ZW10: variants seen among roughly 807,000 people sequenced by gnomAD.
The protein encoded by ZW10 is centromere/kinetochore protein zw10 homolog.
Under a neutral mutation model 87.8 loss-of-function variants are expected in ZW10, and 53 were observed. The ratio of observed to expected loss-of-function variants is 0.60; its 90% CI spans 0.48 to 0.76. ZW10 has a LOEUF of 0.76. ZW10 is among the 30% of genes least tolerant of loss of function. The pLI is 0.00. For synonymous variants in ZW10, 312 were observed against 329.2 expected, an observed-to-expected ratio of 0.95 and a Z score of 0.57; for missense variants, 837 against 923.0, an observed-to-expected ratio of 0.91 and a Z score of 1.21.
At chr11:113,737,164 C>T (rs1468184466) in intron 14 of ZW10, among the ~76,000 whole-genome samples, 5 of 152,250 alleles carry the variant, frequency 3.3e-5, no homozygotes, top group Non-Finnish European at 7.4e-5. Flanking sequence ...CTGGCCAAGT[C>T]CAGACAATTT....
Position 113,773,561 on chromosome 11 carries a change from C to A in ZW10, c.105+1G>T. ...TCAGCAGACAGCTGCCCCGCTCTCA[C>A]CTTGATCTCCTCCACCCGCCGGGTC... On this transcript the variant is annotated splice_donor_variant, in intron 1 of 15. Transcript: ENST00000200135. LOFTEE classifies it high-confidence loss of function. 6.2e-7 allele frequency: 1 copy of A among 1,612,688 alleles called. No individual in the cohort carries two copies. Among genetic ancestry groups the A allele is most frequent in the East Asian group, 2.2e-5 (1 of 44,872 alleles).
chr11:113,743,416 G>C (rs930683735), intron 10 of ZW10, among the ~76,000 whole-genome samples: 1 of 152,156 alleles, frequency 6.6e-6, no homozygotes, highest in South Asian at 2.1e-4. Context: ...TTCCAGGTAG[G>C]ATTCTAAGTT....
At chr11:113,766,011 C>G (rs747052201) in intron 2 of ZW10, among the ~76,000 whole-genome samples, 9 of 152,222 alleles carry the variant, frequency 5.9e-5, no homozygotes, top group Non-Finnish European at 8.8e-5. Flanking sequence ...TGCTGATACT[C>G]TGGCTACTGC....
chr11:113,765,905 C>T (rs1194216021), intron 2 of ZW10, among the ~76,000 whole-genome samples: 2 of 152,148 alleles, frequency 1.3e-5, no homozygotes, highest in African/African-American at 2.4e-5. Context: ...TAAAAAGAGT[C>T]GGGTTCCTTA....
In ZW10 at chr11:113,768,918, C is replaced by T. The variant is rs1262452008; in HGVS notation, c.155G>A (p.Ser52Asn). 1 of 1,614,026 alleles carries T rather than the reference C, an allele frequency of 6.2e-7. No homozygotes were observed. The highest frequency in any genetic ancestry group is 8.5e-7 in the Non-Finnish European group (1 of 1,180,008). Residue 52 changes from serine to asparagine, a missense_variant, in exon 2 of 16, where the codon AGC becomes AAC. Ser to Asn is a conservative substitution (Grantham distance 46). Coordinates refer to ENST00000200135, the MANE Select transcript of ZW10 (RefSeq NM_004724.4). ...AATCAGGCCCTGCGCGCTCTGCATG[C>T]TAGGCAGGAATTCACTGTACTTCTT... ...ISKKYSEFLP[S>N]MQSAQGLITQ... is the part of the protein sequence containing the mutation.
At chr11:113,764,583 T>G (rs995780696) in intron 2 of ZW10, among the ~76,000 whole-genome samples, 1 of 152,176 alleles carries the variant, frequency 6.6e-6, no homozygotes, top group African/African-American at 2.4e-5. Context: ...TAAGCTTTTT[T>G]CTATTTTTAA....
chr11:113,742,201 C>G (rs1953627118), intron 10 of ZW10, among the ~76,000 whole-genome samples: 1 of 152,194 alleles, frequency 6.6e-6, no homozygotes, highest in South Asian at 2.1e-4. Flanking sequence ...TTCACCTTTT[C>G]TCCTTCTTAC....
At chr11:113,762,213 T>A (rs1953867766) in intron 2 of ZW10, among the ~76,000 whole-genome samples, 1 of 152,242 alleles carries the variant, frequency 6.6e-6, no homozygotes, top group Non-Finnish European at 1.5e-5. Context: ...AGCATGTTAC[T>A]GTACCATTTA....
intron 1 of ZW10, among the ~76,000 whole-genome samples, chr11:113,772,218 T>C (rs1463691937): frequency 1.3e-5 from 2 of 152,140 alleles, no homozygotes; most frequent in Admixed American, 6.5e-5. Flanking sequence ...TAAAGGAAAC[T>C]AGTGAAAGCA....
intron 2 of ZW10, among the ~76,000 whole-genome samples, chr11:113,761,141 CATA>C (rs986590492): frequency 2.0e-5 from 3 of 152,182 alleles, no homozygotes; most frequent in African/African-American, 7.2e-5. Flanking sequence ...TTCCTCTCAA[CATA>C]ATATCCTCAT....
chr11:113,759,671 A>G (rs1371675247), intron 5 of ZW10, among the ~76,000 whole-genome samples: 1 of 152,138 alleles, frequency 6.6e-6, no homozygotes, highest in Non-Finnish European at 1.5e-5. Context: ...GGGCAGAAGT[A>G]ATCCTATTTC....
At chr11:113,753,938 C>G (rs1020933168) in intron 7 of ZW10, among the ~76,000 whole-genome samples, 7 of 152,180 alleles carry the variant, frequency 4.6e-5, no homozygotes, top group Admixed American at 2.6e-4. Flanking sequence ...CAGCAAGTGC[C>G]AATGGAAAAG....
intron 3 of ZW10, 108 bp downstream of exon 3, chr11:113,760,709 G>GAA: frequency 2.2e-6 from 2 of 897,770 alleles, no homozygotes; most frequent in Non-Finnish European, 3.1e-6. Flanking sequence ...AAAAAAGAAA[G>GAA]AAAAAAAAAT....
At chr11:113,737,550 T>C (rs777711522) in intron 14 of ZW10, 22 bp downstream of exon 14, 133 of 1,566,562 alleles carry the variant, frequency 8.5e-5, no homozygotes, top group Non-Finnish European at 1.1e-4. Context: ...TCAAGGCTAG[T>C]GTAGCATCTA....
chr11:113,733,326 C>T lies in ZW10; in HGVS notation c.*368G>A, dbSNP rs546557905. On this transcript the variant is annotated 3_prime_UTR_variant, in exon 16 of 16. Transcript: ENST00000200135. ...CTCCGATTTGCTCAGAAATTCTCTA[C>T]CCTGACTCCTGGAATCTCCCAATTC... is the stretch of plus-strand genomic sequence containing the variant. 2.2e-4 allele frequency: 39 copies of T among 175,386 alleles called. No homozygotes were observed. The highest frequency in any genetic ancestry group is 8.3e-4 in the African/African-American group (35 of 42,142). 10.9% of individuals were successfully genotyped at this position (175,386 alleles called of 1,614,324 possible).
At chr11:113,773,044 G>T (rs1937656875) in intron 1 of ZW10, among the ~76,000 whole-genome samples, 2 of 150,678 alleles carry the variant, frequency 1.3e-5, no homozygotes, top group Non-Finnish European at 3.0e-5. Context: ...TTTTAATGTC[G>T]GGGAGGAGAA....
At chr11:113,772,137 C>T (rs1953973746) in intron 1 of ZW10, among the ~76,000 whole-genome samples, 1 of 151,682 alleles carries the variant, frequency 6.6e-6, no homozygotes, top group South Asian at 2.1e-4. Context: ...GCAACATAAG[C>T]AAAATATGGG....
chr11:113,766,226 A>G (rs1287001048), intron 2 of ZW10, among the ~76,000 whole-genome samples: 2 of 152,018 alleles, frequency 1.3e-5, no homozygotes, highest in African/African-American at 4.8e-5. Flanking sequence ...TTAGCTGGGC[A>G]TGATGGCTTA....
intron 9 of ZW10, among the ~76,000 whole-genome samples, chr11:113,744,335 G>A (rs1264836772): frequency 1.3e-5 from 2 of 152,088 alleles, no homozygotes; most frequent in Middle Eastern, 3.4e-3. Flanking sequence ...TGCAGTGAGC[G>A]GAGCTTGTAG....
Sources: gnomAD v4.1 joint callset for allele counts (sites outside exome capture counted in the v4.1 genomes callset) on GRCh38, gnomAD v4.1.1 for gene constraint, MANE v1.5 for transcripts, NCBI Gene and HGNC (gene_info 2026-07-23, HGNC 2026-07-21) for gene names.